TEKT1: variants seen among roughly 807,000 people sequenced by gnomAD.
The protein encoded by TEKT1 is tektin 1, also known as tektin-1.
In TEKT1, 32 loss-of-function variants were observed where a neutral mutation model predicts 34.8. The ratio of observed to expected loss-of-function variants is 0.92; its 90% CI spans 0.69 to 1.23. The LOEUF (loss-of-function observed/expected upper bound fraction) is 1.23. Ranked by LOEUF, TEKT1 falls within the 50% of genes most tolerant of loss-of-function variation. The pLI is 0.00. For synonymous variants in TEKT1, 207 were observed against 199.8 expected, an observed-to-expected ratio of 1.04 and a Z score of -0.30; for missense variants, 492 against 518.5, an observed-to-expected ratio of 0.95 and a Z score of 0.50.
intron 3 of TEKT1, among the ~76,000 whole-genome samples, chr17:6,818,098 C>T (rs1977031943): frequency 6.6e-6 from 1 of 152,136 alleles, no homozygotes; most frequent in South Asian, 2.1e-4. Context: ...CTCCACACAC[C>T]TAAGCACATC....
chr17:6,819,555 A>G (rs564885923), intron 2 of TEKT1, among the ~76,000 whole-genome samples, 197 bp from the exon 3 acceptor site: 39 of 152,372 alleles, frequency 2.6e-4, no homozygotes, highest in African/African-American at 8.4e-4. Flanking sequence ...CTTACAGTCC[A>G]CATCAGATTT....
chr17:6,812,863 C>T lies in TEKT1; in HGVS notation c.820G>A (p.Ala274Thr). 1 of 1,614,030 alleles carries T rather than the reference C, an allele frequency of 6.2e-7. No individual in the cohort carries two copies. ...AGATGATCAGCCAGCTTGTCCCTGG[C>T]ATCCTTTGTATCCTTCAGCCCATTC... ...FKNGLKDTKD[A>T]RDKLADHLAK... is the part of the protein sequence containing the mutation. The change falls in exon 6 of 8, where the codon GCC becomes ACC. Residue 274 changes from alanine (A) to threonine (T), a missense_variant. By Grantham distance (58) the Ala-to-Thr change is moderately conservative (BLOSUM62 0). Transcript: ENST00000338694.
rs550094579 is a variant in TEKT1 at position 6,830,292 on chromosome 17, C to A, written c.85G>T (p.Ala29Ser). 6.2e-7 allele frequency: 1 copy of A among 1,613,518 alleles called. No homozygotes were observed. The highest frequency in any genetic ancestry group is 8.5e-7 in the Non-Finnish European group (1 of 1,179,928). ...ANKNQYHRAD[A>S]QRSRSERLVA... ...AGGCGTTCTGATCGGGACCTTTGAG[C>A]GTCTGCTCTGTGGTACTGGTTCTTG... The change falls in exon 2 of 8, where the codon GCT becomes TCT. Residue 29 changes from alanine to serine, a missense_variant. Ala to Ser is a moderately conservative substitution (Grantham distance 99, BLOSUM62 1). Coordinates refer to ENST00000338694, the MANE Select transcript of TEKT1 (RefSeq NM_053285.2).
intron 3 of TEKT1, among the ~76,000 whole-genome samples, chr17:6,817,455 T>C (rs1977022002): frequency 6.6e-6 from 1 of 152,214 alleles, no homozygotes; most frequent in Non-Finnish European, 1.5e-5. Flanking sequence ...CCTCTGCCAG[T>C]GAGCACTTAC....
chr17:6,828,093 T>C (rs1413829627), intron 2 of TEKT1, among the ~76,000 whole-genome samples: 1 of 151,964 alleles, frequency 6.6e-6, no homozygotes, highest in Non-Finnish European at 1.5e-5. Flanking sequence ...TACAGATGCA[T>C]GCCACCATGC....
rs151277303 is a variant in TEKT1 at position 6,800,661 on chromosome 17, C to T, written c.1049+86G>A. The T allele has an allele frequency of 4.6e-3, 6,725 of 1,463,706 alleles. 15 individuals carry two copies. Among genetic ancestry groups the T allele is most frequent in the Non-Finnish European group, 5.5e-3 (5,924 of 1,084,144 alleles). 90.7% of individuals were successfully genotyped at this position (1,463,706 alleles called of 1,614,324 possible). ...TTCCAGAGCAGGCTGGCTTCATTCA[C>T]GCTGCTGGTCACTATCTAGCCTCTG... On this transcript the variant is annotated intron_variant, in intron 7 of 7. Transcript: ENST00000338694.
At chr17:6,822,163 A>G (rs980552781) in intron 2 of TEKT1, among the ~76,000 whole-genome samples, 1 of 152,028 alleles carries the variant, frequency 6.6e-6, no homozygotes, top group African/African-American at 2.4e-5. Context: ...TAGAGACAGG[A>G]TCTCACTCTG....
At chr17:6,821,945 A>C (rs1399115120) in intron 2 of TEKT1, among the ~76,000 whole-genome samples, 1 of 135,820 alleles carries the variant, frequency 7.4e-6, no homozygotes, top group Non-Finnish European at 1.5e-5. Flanking sequence ...TGCTTCCCCC[A>C]TTTTGGGGGA....
Position 6,820,530 on chromosome 17 carries a change from T to C in TEKT1, c.191-1172A>G, listed in dbSNP as rs532018934. Among the ~76,000 whole-genome samples, 12 of 152,332 alleles carry C rather than the reference T, an allele frequency of 7.9e-5. No homozygotes were observed. The South Asian group carries it at 2.5e-3, about 32-fold the overall frequency. The stretch of plus-strand genomic sequence containing the variant: ...ATTTGAGGTTTACAACATGACATTA[T>C]GAGATAGTAAAATGGGTAGCATAGT... On this transcript the variant is annotated intron_variant, in intron 2 of 7. Transcript: ENST00000338694.
chr17:6,803,496 G>A (rs1228316116), intron 6 of TEKT1, among the ~76,000 whole-genome samples: 1 of 152,052 alleles, frequency 6.6e-6, no homozygotes, highest in African/African-American at 2.4e-5. Flanking sequence ...GTCTTTTGTT[G>A]CCATTGCTTT....
intron 5 of TEKT1, among the ~76,000 whole-genome samples, chr17:6,813,956 C>CTG (rs1316324674): frequency 6.6e-6 from 1 of 151,760 alleles, no homozygotes; most frequent in Non-Finnish European, 1.5e-5. Flanking sequence ...TTCTCTCTCT[C>CTG]TCTCTCTCTC....
chr17:6,825,834 C>T (rs757842362), intron 2 of TEKT1, among the ~76,000 whole-genome samples: 33 of 152,194 alleles, frequency 2.2e-4, no homozygotes, highest in Non-Finnish European at 4.1e-4. Flanking sequence ...TGAGGTATAG[C>T]ATATTTATCC....
chr17:6,831,211 TA>T (rs1904564747), intron 1 of TEKT1, among the ~76,000 whole-genome samples: 1 of 152,248 alleles, frequency 6.6e-6, no homozygotes, highest in East Asian at 1.9e-4. Flanking sequence ...ACGCTAAAAT[TA>T]CCCATTTCAT....
intron 6 of TEKT1, among the ~76,000 whole-genome samples, chr17:6,803,509 G>A (rs567690896): frequency 1.3e-5 from 2 of 152,174 alleles, no homozygotes; most frequent in Non-Finnish European, 2.9e-5. Context: ...ATTGCTTTTG[G>A]TGTTTTAGAC....
intron 4 of TEKT1, 34 bp from the exon 5 acceptor site, chr17:6,815,340 T>C (rs1465235154): frequency 9.3e-6 from 15 of 1,614,142 alleles, no homozygotes; most frequent in Non-Finnish European, 1.1e-5. Context: ...TTTCTGCCTC[T>C]GGAGTGCCCA....
At position 6,800,219 on chromosome 17, in the gene TEKT1, TAA is replaced by T. The variant is rs1976750431; in HGVS notation, c.1063_1064del (p.Leu355SerfsTer60). 1 of 1,613,602 alleles carries T rather than the reference TAA, an allele frequency of 6.2e-7. No individual in the cohort carries two copies. Among genetic ancestry groups the T allele is most frequent in the Non-Finnish European group, 8.5e-7 (1 of 1,179,922 alleles). ...CTTTCAGCTCTGCCTGAGCTTGGGC[TAA>T]AGTTTCCTTCAATCTAGGAGAAAGG... Reference protein sequence around the residue: ...THNVARLKETLAQAQAELKGL... With the variant: ...THNVARLKETXAQAQAELKGL... On this transcript the variant is annotated frameshift_variant, in exon 8 of 8. Coordinates refer to ENST00000338694, the MANE Select transcript of TEKT1 (RefSeq NM_053285.2). LOFTEE classifies it high-confidence loss of function.
intron 3 of TEKT1, among the ~76,000 whole-genome samples, chr17:6,817,232 A>G (rs542300334): frequency 5.3e-5 from 8 of 151,790 alleles, no homozygotes; most frequent in Non-Finnish European, 8.8e-5. Flanking sequence ...AAAATTAGCC[A>G]AGAGTGGTGG....
At chr17:6,806,934 C>A (rs1288469368) in intron 6 of TEKT1, among the ~76,000 whole-genome samples, 1 of 152,252 alleles carries the variant, frequency 6.6e-6, no homozygotes, top group Admixed American at 6.5e-5. Context: ...GTGAATCTGA[C>A]AATTATGTGT....
intron 2 of TEKT1, among the ~76,000 whole-genome samples, chr17:6,825,265 A>G (rs769656777): frequency 2.6e-5 from 4 of 152,148 alleles, no homozygotes; most frequent in Admixed American, 6.5e-5. Flanking sequence ...ATTAGATTGG[A>G]AAATTGAGTA....
Sources: allele counts gnomAD v4.1 joint callset (sites outside exome capture counted in the v4.1 genomes callset), GRCh38; gene constraint gnomAD v4.1.1; transcripts MANE v1.5; gene names NCBI Gene and HGNC (gene_info 2026-07-23, HGNC 2026-07-21).